Variants in NAALADL2 observed in about 807,000 individuals in gnomAD.
NAALADL2 encodes the protein N-acetylated alpha-linked acidic dipeptidase like 2.
Under a neutral mutation model 87.2 loss-of-function variants are expected in NAALADL2, and 76 were observed. The observed-to-expected ratio is 0.87, with a 90% CI of 0.72 to 1.05. NAALADL2 has a LOEUF of 1.05. Among genes scored for constraint, NAALADL2 ranks in the 50% least tolerant of loss-of-function variants. The probability of loss-of-function intolerance (pLI) is 0.00; values close to 1 mark genes in which losing one functional copy is unlikely to be tolerated. For missense variants in NAALADL2, 1,089 were observed against 945.8 expected (o/e 1.15, Z -1.99); for synonymous variants, 354 against 331.0 (o/e 1.07, Z -0.75).
intron 3 of NAALADL2, among the ~76,000 whole-genome samples, chr3:174,764,984 A>G (rs1713580356): frequency 6.6e-6 from 1 of 152,204 alleles, no homozygotes; most frequent in African/African-American, 2.4e-5. Context: ...TGTACATGTT[A>G]CTTTCTACCT....
intron 2 of NAALADL2, among the ~76,000 whole-genome samples, chr3:174,605,268 C>A (rs1226555690): frequency 1.3e-5 from 2 of 152,198 alleles, no homozygotes; most frequent in Non-Finnish European, 2.9e-5. Flanking sequence ...GCATTTCCAT[C>A]TGAGGTACCG....
At chr3:174,982,602 C>T (rs1745264511) in intron 1 of NAALADL2, among the ~76,000 whole-genome samples, 1 of 152,176 alleles carries the variant, frequency 6.6e-6, no homozygotes, top group Non-Finnish European at 1.5e-5. Flanking sequence ...ATCAATTTCC[C>T]CTGCCTAATG....
intron 4 of NAALADL2, among the ~76,000 whole-genome samples, chr3:175,292,593 TAC>T (rs71164627): frequency 0.032 from 4,626 of 145,294 alleles, 76 homozygotes; most frequent in Non-Finnish European, 0.042. Flanking sequence ...TGAGTTGGGA[TAC>T]ACACACACAC....
At chr3:174,648,258 G>T (rs1723998655) in intron 2 of NAALADL2, among the ~76,000 whole-genome samples, 1 of 152,018 alleles carries the variant, frequency 6.6e-6, no homozygotes, top group Admixed American at 6.6e-5. Flanking sequence ...GGGAGGCAGA[G>T]GTTGCAGTGA....
At chr3:175,105,470 T>C (rs958133061) in intron 2 of NAALADL2, among the ~76,000 whole-genome samples, 5 of 148,512 alleles carry the variant, frequency 3.4e-5, no homozygotes, top group African/African-American at 5.0e-5. Context: ...GATTCACATA[T>C]ATATAAATGG....
chr3:175,064,106 C>T (rs532102538), intron 1 of NAALADL2, among the ~76,000 whole-genome samples: 1 of 152,080 alleles, frequency 6.6e-6, no homozygotes, highest in East Asian at 1.9e-4. Context: ...CTGTCGTTGT[C>T]TAGATCTTAT....
At chr3:175,428,759 G>A (rs1717244528) in intron 5 of NAALADL2, among the ~76,000 whole-genome samples, 1 of 151,940 alleles carries the variant, frequency 6.6e-6, no homozygotes, top group African/African-American at 2.4e-5. Flanking sequence ...CTCTTTTAAA[G>A]CTTCCAATCC....
intron 12 of NAALADL2, among the ~76,000 whole-genome samples, chr3:175,738,209 A>G (rs549075642): frequency 3.3e-5 from 5 of 152,290 alleles, no homozygotes; most frequent in Non-Finnish European, 2.9e-5. Flanking sequence ...GGATCATTCT[A>G]AAAAGCCAGA....
chr3:174,710,090 ACT>A (rs1730471690), intron 2 of NAALADL2, among the ~76,000 whole-genome samples: 1 of 152,144 alleles, frequency 6.6e-6, no homozygotes, highest in Admixed American at 6.5e-5. Context: ...CTCGGTGTAT[ACT>A]GTCTCCTAGT....
At chr3:174,757,079 C>A (rs1414064265) in intron 3 of NAALADL2, among the ~76,000 whole-genome samples, 1 of 152,136 alleles carries the variant, frequency 6.6e-6, no homozygotes, top group African/African-American at 2.4e-5. Flanking sequence ...GCCTTTCCTT[C>A]TAGACTCTAA....
At chr3:175,617,596 T>A (rs1260948850) in intron 10 of NAALADL2, among the ~76,000 whole-genome samples, 1 of 152,192 alleles carries the variant, frequency 6.6e-6, no homozygotes, top group Non-Finnish European at 1.5e-5. Context: ...TTTTCTTGCA[T>A]CTATTTTCCC....
chr3:175,584,103 TC>T (rs1720192129), intron 10 of NAALADL2, among the ~76,000 whole-genome samples: 1 of 151,778 alleles, frequency 6.6e-6, no homozygotes, highest in African/African-American at 2.4e-5. Context: ...ATTGGTGCGA[TC>T]TCAGCTCACT....
chr3:174,953,841 TG>T (rs1473706647), intron 1 of NAALADL2, among the ~76,000 whole-genome samples: 1 of 151,986 alleles, frequency 6.6e-6, no homozygotes, highest in African/African-American at 2.4e-5. Flanking sequence ...ACTTTTTAAT[TG>T]TTTTTTTTTC....
chr3:174,818,059 A>T (rs1720992796), intron 3 of NAALADL2, among the ~76,000 whole-genome samples: 1 of 152,028 alleles, frequency 6.6e-6, no homozygotes, highest in Non-Finnish European at 1.5e-5. Flanking sequence ...TTAGTCATTG[A>T]TTTGTGTCTG....
At chr3:174,696,413 A>T (rs1023796019) in intron 2 of NAALADL2, among the ~76,000 whole-genome samples, 18 of 152,020 alleles carry the variant, frequency 1.2e-4, no homozygotes, top group African/African-American at 4.3e-4. Context: ...TGAGTGCTAG[A>T]CTTATGTGGG....
At chr3:175,196,538 G>A (rs767405627) in intron 2 of NAALADL2, among the ~76,000 whole-genome samples, 3 of 151,798 alleles carry the variant, frequency 2.0e-5, no homozygotes, top group Non-Finnish European at 2.9e-5. Flanking sequence ...ATCCTTAGCT[G>A]GCATTAAATT....
intron 1 of NAALADL2, among the ~76,000 whole-genome samples, chr3:174,490,849 C>G (rs1718146274): frequency 6.6e-6 from 1 of 152,044 alleles, no homozygotes. Flanking sequence ...GCCAGTTGAT[C>G]TCTTTGTATT....
intron 1 of NAALADL2, among the ~76,000 whole-genome samples, chr3:175,076,379 C>T (rs1299991087): frequency 4.7e-5 from 6 of 126,822 alleles, no homozygotes; most frequent in Admixed American, 8.7e-5. Flanking sequence ...AAAGACAGTT[C>T]TTAAAAGGGG....
chr3:175,234,172 T>A lies in NAALADL2; in HGVS notation c.787T>A (p.Tyr263Asn). 6.2e-7 allele frequency: 1 copy of A among 1,613,816 alleles called. No homozygotes were observed. Among genetic ancestry groups the A allele is most frequent in the Admixed American group, 1.7e-5 (1 of 59,988 alleles). Reference sequence around the variant, plus strand: ...TAGCAGCCAAGACCTGCTCTATTCATATGCAGCCTATTCTGCCAAAGGAAC... The same window carrying A: ...TAGCAGCCAAGACCTGCTCTATTCAAATGCAGCCTATTCTGCCAAAGGAAC... ...KDSSQDLLYS[Y>N]AAYSAKGTLK... The change falls in exon 3 of 14, where the codon TAT (tyrosine) becomes AAT (asparagine). Residue 263 changes from tyrosine (Y) to asparagine (N), a missense_variant. Transcript: ENST00000454872.
Sources: allele counts gnomAD v4.1 joint callset (sites outside exome capture counted in the v4.1 genomes callset), GRCh38; gene constraint gnomAD v4.1.1; transcripts MANE v1.5; gene names NCBI Gene and HGNC (gene_info 2026-07-23, HGNC 2026-07-21).